Variants in SEMA6D observed in about 807,000 individuals in gnomAD.
The protein encoded by SEMA6D is semaphorin-6D.
In SEMA6D, 35 loss-of-function variants were observed where a neutral mutation model predicts 106.6. That is an observed-to-expected ratio of 0.33 (90% CI 0.25 to 0.44). SEMA6D has a LOEUF of 0.44. Ranked by LOEUF, SEMA6D falls within the 20% of genes least tolerant of loss-of-function variation. The pLI is 1.00. For missense variants in SEMA6D, 1,185 were observed against 1,345.9 expected (o/e 0.88, Z 1.87); for synonymous variants, 499 against 487.7 (o/e 1.02, Z -0.31).
intron 3 of SEMA6D, among the ~76,000 whole-genome samples, chr15:47,558,669 T>C (rs547043003): frequency 6.6e-6 from 1 of 152,198 alleles, no homozygotes; most frequent in South Asian, 2.1e-4. Flanking sequence ...CTATTAACTC[T>C]AAATTGTGCA....
At chr15:47,325,769 A>T (rs1261634984) in intron 1 of SEMA6D, among the ~76,000 whole-genome samples, 1 of 152,168 alleles carries the variant, frequency 6.6e-6, no homozygotes, top group African/African-American at 2.4e-5. Flanking sequence ...TTGCTAAGTC[A>T]TTAGTGAAGA....
At chr15:47,356,847 ACT>A (rs150145259) in intron 1 of SEMA6D, among the ~76,000 whole-genome samples, 6,551 of 152,014 alleles carry the variant, frequency 0.043, 204 homozygotes, top group South Asian at 0.092. Context: ...AACTCCTTGA[ACT>A]CTCTGCCCAA....
intron 4 of SEMA6D, among the ~76,000 whole-genome samples, chr15:47,618,753 A>G (rs2077049751): frequency 6.6e-6 from 1 of 152,238 alleles, no homozygotes; most frequent in Non-Finnish European, 1.5e-5. Context: ...AATGACTGCT[A>G]CAATACAGAA....
At chr15:47,200,010 C>T (rs1226776062) in intron 1 of SEMA6D, among the ~76,000 whole-genome samples, 1 of 152,024 alleles carries the variant, frequency 6.6e-6, no homozygotes, top group African/African-American at 2.4e-5. Context: ...CAGCCAGTTG[C>T]GGTAGAACTG....
chr15:47,733,093 T>C (rs2080229978), intron 1 of SEMA6D, among the ~76,000 whole-genome samples: 1 of 152,244 alleles, frequency 6.6e-6, no homozygotes, highest in Non-Finnish European at 1.5e-5. Flanking sequence ...TTCAAAAAGC[T>C]CATTAACCCT....
At chr15:47,474,570 C>A (rs1171725677) in intron 3 of SEMA6D, among the ~76,000 whole-genome samples, 2 of 152,164 alleles carry the variant, frequency 1.3e-5, no homozygotes, top group East Asian at 3.9e-4. Context: ...TCTTGTGTGA[C>A]TTCAATGAAA....
intron 4 of SEMA6D, among the ~76,000 whole-genome samples, chr15:47,662,051 G>C (rs921657797): frequency 2.0e-5 from 3 of 152,130 alleles, no homozygotes; most frequent in Non-Finnish European, 4.4e-5. Flanking sequence ...TGCCTCACTG[G>C]AAGCAAAAAT....
At chr15:47,522,650 G>A (rs1242370678) in intron 3 of SEMA6D, among the ~76,000 whole-genome samples, 1 of 152,140 alleles carries the variant, frequency 6.6e-6, no homozygotes, top group Non-Finnish European at 1.5e-5. Flanking sequence ...GATGGAGTCC[G>A]CCCACTATAC....
intron 1 of SEMA6D, among the ~76,000 whole-genome samples, chr15:47,753,550 T>C (rs909774704): frequency 7.2e-5 from 11 of 152,180 alleles, no homozygotes; most frequent in Admixed American, 3.9e-4. Context: ...GTTAGTGGGC[T>C]GAAGGTCCTG....
chr15:47,477,056 A>T (rs1220533045), intron 3 of SEMA6D, among the ~76,000 whole-genome samples: 3 of 152,206 alleles, frequency 2.0e-5, no homozygotes, highest in Non-Finnish European at 4.4e-5. Context: ...GTTTCCCAGC[A>T]TGTTAATTCA....
chr15:47,657,611 T>C (rs1343409100), intron 4 of SEMA6D, among the ~76,000 whole-genome samples: 1 of 151,780 alleles, frequency 6.6e-6, no homozygotes. Flanking sequence ...TTCTCCTTTT[T>C]CTCAACATGT....
chr15:47,364,931 A>G (rs962660661), intron 1 of SEMA6D, among the ~76,000 whole-genome samples: 1 of 152,158 alleles, frequency 6.6e-6, no homozygotes, highest in Admixed American at 6.5e-5. Flanking sequence ...ACCACAAAAG[A>G]TCAAAAGAAA....
intron 1 of SEMA6D, among the ~76,000 whole-genome samples, chr15:47,244,081 A>G (rs1318253053): frequency 6.6e-6 from 1 of 152,176 alleles, no homozygotes; most frequent in Non-Finnish European, 1.5e-5. Context: ...TTTAGACAGC[A>G]TATTTGAATG....
intron 1 of SEMA6D, among the ~76,000 whole-genome samples, chr15:47,298,191 G>A (rs1057460285): frequency 2.6e-5 from 4 of 152,172 alleles, no homozygotes; most frequent in African/African-American, 9.6e-5. Context: ...GCCCTCCTGG[G>A]TTAGGGCGGA....
chr15:47,254,010 T>G (rs1473532011), intron 1 of SEMA6D, among the ~76,000 whole-genome samples: 5 of 152,118 alleles, frequency 3.3e-5, no homozygotes, highest in Admixed American at 3.3e-4. Context: ...TATCTCCTTA[T>G]GTCCTCTTCA....
chr15:47,509,984 G>A (rs2044175281), intron 3 of SEMA6D, among the ~76,000 whole-genome samples: 1 of 152,084 alleles, frequency 6.6e-6, no homozygotes, highest in Admixed American at 6.5e-5. Context: ...TCTTTTATTT[G>A]TCATGGCCCT....
chr15:47,475,522 G>A (rs2042978640), intron 3 of SEMA6D, among the ~76,000 whole-genome samples: 1 of 152,106 alleles, frequency 6.6e-6, no homozygotes, highest in Non-Finnish European at 1.5e-5. Context: ...TAGCTGGAAA[G>A]CCCCCATACA....
At chr15:47,681,167 AG>A (rs374321038) in intron 4 of SEMA6D, among the ~76,000 whole-genome samples, 16 of 152,360 alleles carry the variant, frequency 1.1e-4, no homozygotes, top group African/African-American at 3.8e-4. Context: ...ACAATAGCCA[AG>A]ATATAGAAAC....
chr15:47,247,796 C>T (rs552016441), intron 1 of SEMA6D, among the ~76,000 whole-genome samples: 9 of 152,272 alleles, frequency 5.9e-5, no homozygotes, highest in African/African-American at 2.2e-4. Flanking sequence ...TTCCATCAGT[C>T]ACTTTACCAT....
Sources: allele counts gnomAD v4.1 joint callset (sites outside exome capture counted in the v4.1 genomes callset), GRCh38; gene constraint gnomAD v4.1.1; transcripts MANE v1.5; gene names NCBI Gene and HGNC (gene_info 2026-07-23, HGNC 2026-07-21).